Variants in TAFA5 observed in about 807,000 individuals in gnomAD.
TAFA5 encodes the protein TAFA chemokine like family member 5.
In TAFA5, 6 loss-of-function variants were observed where a neutral mutation model predicts 15.3. The ratio of observed to expected loss-of-function variants is 0.39; its 90% CI spans 0.21 to 0.77. The LOEUF is 0.77. TAFA5 is among the 30% of genes least tolerant of loss of function. The pLI, the probability that TAFA5 is intolerant of heterozygous loss-of-function variation, is 0.41. For missense variants in TAFA5, 161 were observed against 193.1 expected, an observed-to-expected ratio of 0.83 and a Z score of 0.98; for synonymous variants, 103 against 80.7, an observed-to-expected ratio of 1.28 and a Z score of -1.48.
chr22:48,639,945 C>A (rs960429051), intron 1 of TAFA5, among the ~76,000 whole-genome samples: 2 of 152,170 alleles, frequency 1.3e-5, no homozygotes, highest in African/African-American at 4.8e-5. Context: ...CGCACCCCCC[C>A]AACCCCGCCG....
chr22:48,612,358 C>A (rs1183859734), intron 1 of TAFA5, among the ~76,000 whole-genome samples: 1 of 152,188 alleles, frequency 6.6e-6, no homozygotes. Flanking sequence ...TGTCTCACAG[C>A]CTGTGCGCGT....
chr22:48,582,775 A>C (rs1371175165), intron 1 of TAFA5, among the ~76,000 whole-genome samples: 16 of 141,694 alleles, frequency 1.1e-4, no homozygotes, highest in African/African-American at 4.2e-4. Context: ...AAAATACACC[A>C]CACACACCAC....
At chr22:48,686,828 CTGAT>C (rs1033281930) in intron 2 of TAFA5, among the ~76,000 whole-genome samples, 14 of 135,914 alleles carry the variant, frequency 1.0e-4, no homozygotes, top group African/African-American at 2.3e-4. Flanking sequence ...GAAGGATGGA[CTGAT>C]TGATGGATGG....
chr22:48,714,527 C>T lies in TAFA5; in HGVS notation c.390+6683C>T, dbSNP rs188294394. Among the ~76,000 whole-genome samples, 23 of 152,332 alleles carry T rather than the reference C, an allele frequency of 1.5e-4. No individual in the cohort carries two copies. In the East Asian group the frequency reaches 4.4e-3, roughly 29 times the overall value. ...CAGAATCCAAAGAAAACTGGACTCA[C>T]AGAGGCTCATGCTAGAGAGGGAGAG... On this transcript the variant is annotated intron_variant, in intron 3 of 3. Transcript: ENST00000402357.
intron 1 of TAFA5, among the ~76,000 whole-genome samples, chr22:48,640,414 GAC>G (rs1168607177): frequency 2.6e-5 from 4 of 152,220 alleles, no homozygotes; most frequent in Non-Finnish European, 1.5e-5. Flanking sequence ...GCCCAGTGCA[GAC>G]ACAGCCTGGG....
At chr22:48,494,622 AC>A (rs1367961572) in intron 1 of TAFA5, among the ~76,000 whole-genome samples, 5 of 152,188 alleles carry the variant, frequency 3.3e-5, no homozygotes, top group African/African-American at 1.2e-4. Flanking sequence ...TTCTCCACTG[AC>A]AAGGGCCCCC....
At chr22:48,683,920 C>T (rs57208497) in intron 2 of TAFA5, among the ~76,000 whole-genome samples, 8,158 of 152,218 alleles carry the variant, frequency 0.054, 289 homozygotes, top group South Asian at 0.16. Flanking sequence ...CCATGTGAGA[C>T]GTGCCTGCTT....
chr22:48,745,155 G>C (rs1166451165), intron 3 of TAFA5, among the ~76,000 whole-genome samples: 2 of 152,368 alleles, frequency 1.3e-5, no homozygotes, highest in Non-Finnish European at 1.5e-5. Flanking sequence ...CTGGCTCTTT[G>C]GTGGAGCAGG....
chr22:48,718,617 C>T (rs188153237), intron 3 of TAFA5, among the ~76,000 whole-genome samples: 2 of 152,288 alleles, frequency 1.3e-5, no homozygotes, highest in Admixed American at 6.5e-5. Context: ...AGAGCACAGC[C>T]AAGCCGGGGC....
intron 1 of TAFA5, among the ~76,000 whole-genome samples, chr22:48,500,394 G>A (rs1367548311): frequency 1.3e-5 from 2 of 152,208 alleles, no homozygotes; most frequent in Admixed American, 1.3e-4. Flanking sequence ...AACATTGCTC[G>A]ACAAACACCT....
rs1002382954 is a variant in TAFA5 at position 48,550,034 on chromosome 22, G to A, written c.112+60330G>A. Among the ~76,000 whole-genome samples, 1 of 152,198 alleles carries A rather than the reference G, an allele frequency of 6.6e-6. No individual in the cohort carries two copies. Among genetic ancestry groups the A allele is most frequent in the Admixed American group, 6.5e-5 (1 of 15,288 alleles). ...TCCCTCTCCTTCTCAAAGAGAAACC[G>A]AGTCACAGAGTGTTTCAGTAACTGA... is the stretch of plus-strand genomic sequence containing the variant. On this transcript the variant is annotated intron_variant, in intron 1 of 3. Transcript: ENST00000402357. This position sits in a 1 kb window ranked among gnomAD's most constrained non-coding sequence, Gnocchi z 4.1.
intron 2 of TAFA5, among the ~76,000 whole-genome samples, chr22:48,648,784 C>A (rs952685745): frequency 7.9e-5 from 12 of 152,062 alleles, no homozygotes; most frequent in African/African-American, 2.7e-4. Context: ...GCCGAGATCA[C>A]GCCACTGCAC....
intron 1 of TAFA5, among the ~76,000 whole-genome samples, chr22:48,554,400 G>T (rs1192322849): frequency 2.6e-5 from 4 of 152,132 alleles, no homozygotes; most frequent in African/African-American, 9.7e-5. Context: ...TTAATACAGT[G>T]CATATTAAAA....
At chr22:48,546,364 T>C in intron 1 of TAFA5, 2 of 388,052 alleles carry the variant, frequency 5.2e-6, no homozygotes, top group Non-Finnish European at 1.1e-5. Context: ...AGTCCTTGAT[T>C]AATTCAGCAA....
intron 3 of TAFA5, among the ~76,000 whole-genome samples, chr22:48,723,140 C>A (rs1380136734): frequency 6.6e-6 from 1 of 152,130 alleles, no homozygotes; most frequent in East Asian, 1.9e-4. Flanking sequence ...CTGGTGTGTC[C>A]AGATGTGCCT....
At chr22:48,537,699 T>C (rs1922217562) in intron 1 of TAFA5, among the ~76,000 whole-genome samples, 1 of 152,212 alleles carries the variant, frequency 6.6e-6, no homozygotes, top group Non-Finnish European at 1.5e-5. Context: ...CCTGCAGCTC[T>C]CCCTGGGGCC....
intron 2 of TAFA5, among the ~76,000 whole-genome samples, chr22:48,661,181 G>A (rs549699326): frequency 8.6e-4 from 131 of 152,294 alleles, no homozygotes; most frequent in African/African-American, 2.8e-3. Context: ...GGTCACTGGC[G>A]TACTGCTGGC....
intron 1 of TAFA5, among the ~76,000 whole-genome samples, chr22:48,541,119 A>T (rs1357403732): frequency 1.3e-5 from 2 of 152,102 alleles, no homozygotes; most frequent in Non-Finnish European, 2.9e-5. Context: ...GCACTTCTCA[A>T]GACTTTGCGC....
At chr22:48,492,561 G>C (rs999702667) in intron 1 of TAFA5, among the ~76,000 whole-genome samples, 3 of 152,146 alleles carry the variant, frequency 2.0e-5, no homozygotes, top group Non-Finnish European at 4.4e-5. Flanking sequence ...GGGCTCCACC[G>C]TCTGGCCGGA....
Sources: gnomAD v4.1 joint callset for allele counts (sites outside exome capture counted in the v4.1 genomes callset) on GRCh38, gnomAD v4.1.1 for gene constraint, Gnocchi (gnomAD v3.1) non-coding constraint, MANE v1.5 for transcripts, NCBI Gene and HGNC (gene_info 2026-07-23, HGNC 2026-07-21) for gene names.